Variants in LAMA2 observed in about 807,000 individuals in gnomAD.
LAMA2 encodes the protein laminin subunit alpha-2.
In LAMA2, 269 loss-of-function variants were observed where a neutral mutation model predicts 364.8. The observed-to-expected ratio is 0.74, with a 90% confidence interval of 0.67 to 0.82. The LOEUF (loss-of-function observed/expected upper bound fraction) is 0.82, where lower values mean the gene tolerates loss of function less well. LAMA2 is among the 40% of genes least tolerant of loss of function. The probability of loss-of-function intolerance (pLI) is 0.00; values close to 1 mark genes in which losing one functional copy is unlikely to be tolerated. For missense variants in LAMA2, 3,807 were observed against 3,873.2 expected (o/e 0.98, Z 0.45); for synonymous variants, 1,379 against 1,370.6 (o/e 1.01, Z -0.14).
At chr6:129,281,314 A>G (rs1156467157) in intron 18 of LAMA2, among the ~76,000 whole-genome samples, 2 of 152,138 alleles carry the variant, frequency 1.3e-5, no homozygotes, top group Admixed American at 1.3e-4. Flanking sequence ...CAAGTGCCTA[A>G]ACCCCCCAGT....
chr6:129,233,605 G>C (rs1207449685), intron 12 of LAMA2, among the ~76,000 whole-genome samples: 1 of 152,112 alleles, frequency 6.6e-6, no homozygotes, highest in African/African-American at 2.4e-5. Context: ...TGTTGAAAAG[G>C]CTAAGGAGGA....
chr6:129,267,393 C>T, intron 16 of LAMA2, among the ~76,000 whole-genome samples, 174 bp downstream of exon 16: 1 of 152,062 alleles, frequency 6.6e-6, no homozygotes, highest in African/African-American at 2.4e-5. Flanking sequence ...TATGTGATCT[C>T]CCTAATGAAT....
chr6:129,502,455 C>T (rs573508663), intron 58 of LAMA2, among the ~76,000 whole-genome samples: 1 of 152,280 alleles, frequency 6.6e-6, no homozygotes, highest in Non-Finnish European at 1.5e-5. Flanking sequence ...TTTAGCCATT[C>T]CAGGGTGTGA....
rs1311725250 is a variant in LAMA2, at chr6:129,154,595, T to C, written c.1118T>C (p.Ile373Thr). Residue 373 changes from isoleucine to threonine, a missense_variant, in exon 8 of 65, where the codon ATT becomes ACT. Physicochemically the swap from Ile to Thr is moderately conservative, Grantham distance 89. This residue lies in a region of LAMA2 where 80 missense variants were observed against 124.0 expected (regional missense o/e 0.65). Coordinates refer to ENST00000421865, the MANE Select transcript of LAMA2 (RefSeq NM_000426.4). ...AGTTTGAATATACGTGGAAAGTACA[T>C]TGGAGGGGGTGTCTGCATTAATTGT... Reference protein sequence around the residue: ...NLSLNIRGKYIGGGVCINCTQ... With the variant: ...NLSLNIRGKYTGGGVCINCTQ... The C allele has an allele frequency of 6.2e-7, 1 of 1,613,750 alleles. No individual in the cohort carries two copies. Among genetic ancestry groups the C allele is most frequent in the South Asian group, 1.1e-5 (1 of 91,086 alleles).
intron 36 of LAMA2, among the ~76,000 whole-genome samples, chr6:129,392,013 T>C (rs1057307576): frequency 2.6e-5 from 4 of 152,234 alleles, no homozygotes; most frequent in African/African-American, 9.6e-5. Context: ...GGACTATCAG[T>C]TGATTTTTGT....
chr6:129,201,009 G>A (rs1022415300), intron 12 of LAMA2, among the ~76,000 whole-genome samples: 1 of 152,062 alleles, frequency 6.6e-6, no homozygotes, highest in Non-Finnish European at 1.5e-5. Flanking sequence ...TTCTGCTCCT[G>A]ACCATAATTG....
chr6:129,036,906 C>A (rs997851804), intron 1 of LAMA2, among the ~76,000 whole-genome samples: 5 of 152,170 alleles, frequency 3.3e-5, no homozygotes, highest in Admixed American at 3.3e-4. Flanking sequence ...CTATTAAACC[C>A]TTCATCTGCA....
chr6:129,502,897 A>G (rs1317941933), intron 59 of LAMA2, 126 bp downstream of exon 59: 2 of 859,268 alleles, frequency 2.3e-6, no homozygotes, highest in Non-Finnish European at 3.8e-6. Flanking sequence ...TTCACTGAGT[A>G]CAATAGAGAA....
At chr6:128,911,663 C>T (rs1582658987) in intron 1 of LAMA2, among the ~76,000 whole-genome samples, 1 of 152,126 alleles carries the variant, frequency 6.6e-6, no homozygotes, top group East Asian at 1.9e-4. Flanking sequence ...GGCTCCTCCC[C>T]TAAAGGTATA....
At chr6:129,120,966 A>G (rs1776771691) in intron 4 of LAMA2, among the ~76,000 whole-genome samples, 1 of 152,232 alleles carries the variant, frequency 6.6e-6, no homozygotes, top group Non-Finnish European at 1.5e-5. Flanking sequence ...ATGAATCAGT[A>G]TGCCCCTTCA....
rs544390901 is a variant in LAMA2 at position 129,304,288 on chromosome 6, G to A, written c.3174+3416G>A. On this transcript the variant is annotated intron_variant, in intron 22 of 64. Transcript: ENST00000421865. ...GTTTTTTGTTTTTTGTTTTTGAGACGGAGTCTTGCTCTGACCCCCAGGCTC... is the reference window on the plus strand; with the variant it reads ...GTTTTTTGTTTTTTGTTTTTGAGACAGAGTCTTGCTCTGACCCCCAGGCTC... 7.2e-5 allele frequency among the ~76,000 whole-genome samples: 11 copies of A among 151,892 alleles called. No individual in the cohort carries two copies. The East Asian group carries it at 7.8e-4, about 11-fold the overall frequency.
At chr6:129,118,876 T>C (rs556696299) in intron 4 of LAMA2, among the ~76,000 whole-genome samples, 17 of 152,326 alleles carry the variant, frequency 1.1e-4, no homozygotes, top group African/African-American at 4.1e-4. Flanking sequence ...TCCTTATCCA[T>C]GATGTGTAAG....
intron 20 of LAMA2, chr6:129,292,894 G>A (rs866391910): frequency 2.0e-6 from 2 of 985,698 alleles, no homozygotes; most frequent in Non-Finnish European, 2.4e-6. Context: ...GATATTACAG[G>A]AAGATGTGTC....
intron 49 of LAMA2, among the ~76,000 whole-genome samples, chr6:129,462,659 G>GTAAGT (rs747951844): frequency 1.3e-5 from 2 of 151,900 alleles, no homozygotes; most frequent in Non-Finnish European, 1.5e-5. Context: ...ACACACTTGT[G>GTAAGT]TAAGTTTTTA....
intron 40 of LAMA2, among the ~76,000 whole-genome samples, chr6:129,410,443 C>T (rs1780474468): frequency 6.6e-6 from 1 of 152,164 alleles, no homozygotes; most frequent in South Asian, 2.1e-4. Flanking sequence ...CTCTCTGTCT[C>T]TGTCTCTCTT....
intron 40 of LAMA2, among the ~76,000 whole-genome samples, chr6:129,422,788 T>C (rs1487429607): frequency 6.6e-6 from 1 of 152,118 alleles, no homozygotes; most frequent in Non-Finnish European, 1.5e-5. Flanking sequence ...TAATAAACTC[T>C]TTCAGAAAAT....
Position 129,391,638 on chromosome 6 carries a change from C to T in LAMA2, c.5219C>T (p.Ala1740Val), listed in dbSNP as rs1779328933. The T allele has an allele frequency of 1.9e-6, 3 of 1,613,384 alleles. No individual in the cohort carries two copies. The highest frequency in any genetic ancestry group is 2.2e-5 in the South Asian group (2 of 91,054). ...AATCTAGAGACACAAAAGGAAATTG[C>T]TGAAGATGAGTTGGTGTGAGTAGAT... ...RKNLETQKEI[A>V]EDELVAAEAL... The change falls in exon 36 of 65, where the codon GCT (alanine) becomes GTT (valine). Residue 1740 changes from alanine (A) to valine (V), a missense_variant. Ala to Val is a moderately conservative substitution (Grantham distance 64). This residue lies in a region of LAMA2 where 3,333 missense variants were observed against 3,345.7 expected (regional missense o/e 1.00). Coordinates refer to ENST00000421865, the MANE Select transcript of LAMA2 (RefSeq NM_000426.4).
chr6:129,075,659 G>C lies in LAMA2; in HGVS notation c.396+15763G>C, dbSNP rs1773587550. Among the ~76,000 whole-genome samples the C allele has an allele frequency of 3.3e-5, 5 of 152,156 alleles. No individual in the cohort carries two copies. In the South Asian group the frequency reaches 1.0e-3, roughly 32 times the overall value. On this transcript the variant is annotated intron_variant, in intron 3 of 64. Coordinates refer to ENST00000421865, the MANE Select transcript of LAMA2 (RefSeq NM_000426.4). ...CCCGAATTGATGGTGGAACAAATGTGGAGAGTGGGGCCAAAATGTTGACTC... is the reference window on the plus strand; with the variant it reads ...CCCGAATTGATGGTGGAACAAATGTCGAGAGTGGGGCCAAAATGTTGACTC...
At chr6:129,323,024 G>C (rs1775061791) in intron 28 of LAMA2, among the ~76,000 whole-genome samples, 1 of 152,178 alleles carries the variant, frequency 6.6e-6, no homozygotes, top group Non-Finnish European at 1.5e-5. Flanking sequence ...TCTATTTACA[G>C]ACAGTAATTG....
Sources: allele counts gnomAD v4.1 joint callset (sites outside exome capture counted in the v4.1 genomes callset), GRCh38; gene constraint gnomAD v4.1.1; regional missense constraint gnomAD v4.1.1; transcripts MANE v1.5; gene names NCBI Gene and HGNC (gene_info 2026-07-23, HGNC 2026-07-21).